The following WWOX variants were observed in gnomAD, a reference collection of about 807,000 sequenced individuals.
WWOX encodes the protein WW domain-containing oxidoreductase.
In WWOX, 69 loss-of-function variants were observed where a neutral mutation model predicts 46.2. The observed-to-expected ratio is 1.49, with a 90% CI of 1.23 to 1.82. WWOX has a LOEUF of 1.82. WWOX is among the 40% of genes most tolerant of loss of function. The probability of loss-of-function intolerance (pLI) is 0.00; values close to 1 mark genes in which losing one functional copy is unlikely to be tolerated. For missense variants in WWOX, 919 were observed against 542.6 expected, an observed-to-expected ratio of 1.69 and a Z score of -6.89; for synonymous variants, 359 against 202.6, an observed-to-expected ratio of 1.77 and a Z score of -6.56.
intron 8 of WWOX, among the ~76,000 whole-genome samples, chr16:78,837,098 A>AG (rs1235938201): frequency 2.0e-5 from 3 of 151,908 alleles, no homozygotes; most frequent in African/African-American, 7.3e-5. Context: ...CTGCTTAGGG[A>AG]GGGGGGAGAA....
chr16:78,621,608 T>A (rs1012148901), intron 8 of WWOX, among the ~76,000 whole-genome samples: 1 of 111,696 alleles, frequency 9.0e-6, no homozygotes, highest in African/African-American at 3.5e-5. Context: ...TTTTTTTTTT[T>A]TTTTTTTTTT....
chr16:78,803,429 T>C (rs997774674), intron 8 of WWOX, among the ~76,000 whole-genome samples: 25 of 152,276 alleles, frequency 1.6e-4, no homozygotes, highest in African/African-American at 5.5e-4. Context: ...CAGAAAAGTA[T>C]TACGTGGGTT....
At chr16:78,812,173 C>A (rs1024284686) in intron 8 of WWOX, among the ~76,000 whole-genome samples, 2 of 151,846 alleles carry the variant, frequency 1.3e-5, no homozygotes, top group Non-Finnish European at 2.9e-5. Flanking sequence ...AACTAGGTGT[C>A]CTAACTTGGC....
At chr16:78,840,499 A>G (rs1449910888) in intron 8 of WWOX, among the ~76,000 whole-genome samples, 2 of 152,232 alleles carry the variant, frequency 1.3e-5, no homozygotes, top group African/African-American at 4.8e-5. Flanking sequence ...GAGGCTAATT[A>G]TGTAGTGTCT....
At chr16:78,261,448 G>A (rs1051910531) in intron 5 of WWOX, among the ~76,000 whole-genome samples, 2 of 136,680 alleles carry the variant, frequency 1.5e-5, no homozygotes, top group South Asian at 2.3e-4. Flanking sequence ...TTTGTAAAAG[G>A]TATCATAGCT....
rs373627692 is a variant in WWOX, at chr16:78,590,390, C to T, written c.1056+157638C>T. 1.5e-3 allele frequency among the ~76,000 whole-genome samples: 232 copies of T among 152,116 alleles called. 3 individuals carry two copies. The highest frequency in any genetic ancestry group is 3.4e-3 in the Middle Eastern group (1 of 294). On this transcript the variant is annotated intron_variant, in intron 8 of 8. Coordinates refer to ENST00000566780, the MANE Select transcript of WWOX (RefSeq NM_016373.4). The stretch of plus-strand genomic sequence containing the variant: ...TGTTATAGTATTAAGGAAGACAGAT[C>T]CAAGATGGTGGCAATGGTCAAGAAG...
In WWOX at chr16:78,799,026, G is replaced by A. The variant is rs1243514306; in HGVS notation, c.1056+366274G>A. On this transcript the variant is annotated intron_variant, in intron 8 of 8. Coordinates refer to ENST00000566780, the MANE Select transcript of WWOX (RefSeq NM_016373.4). The stretch of plus-strand genomic sequence containing the variant: ...GAGCAAAATGCTTTTCCGGTGGGAT[G>A]CATTTCATTTATATGTGCTTGTATC... 2.0e-5 allele frequency among the ~76,000 whole-genome samples: 3 copies of A among 152,154 alleles called. No individual in the cohort carries two copies. The East Asian group carries it at 5.8e-4, about 29-fold the overall frequency.
At chr16:78,545,454 G>C (rs1053288975) in intron 8 of WWOX, among the ~76,000 whole-genome samples, 3 of 152,176 alleles carry the variant, frequency 2.0e-5, no homozygotes, top group Admixed American at 1.3e-4. Context: ...CTGGGATGAA[G>C]AGCTTCTCCT....
intron 8 of WWOX, among the ~76,000 whole-genome samples, chr16:78,836,251 G>A (rs1232600345): frequency 3.3e-5 from 5 of 151,980 alleles, no homozygotes; most frequent in African/African-American, 9.7e-5. Context: ...ATCCAGGGAC[G>A]GCTCCTTGGC....
chr16:78,985,836 G>A (rs1394094200), intron 8 of WWOX, among the ~76,000 whole-genome samples: 1 of 152,212 alleles, frequency 6.6e-6, no homozygotes, highest in East Asian at 1.9e-4. Context: ...GACCACTCCG[G>A]AAGGAGTGTA....
At chr16:78,910,538 A>G (rs751216978) in intron 8 of WWOX, among the ~76,000 whole-genome samples, 3 of 151,064 alleles carry the variant, frequency 2.0e-5, no homozygotes, top group African/African-American at 7.3e-5. Context: ...AGGATGCTGT[A>G]TGAGTCTTTT....
At chr16:78,367,495 G>A (rs1008492293) in intron 5 of WWOX, among the ~76,000 whole-genome samples, 1 of 152,022 alleles carries the variant, frequency 6.6e-6, no homozygotes, top group Non-Finnish European at 1.5e-5. Context: ...TTTGTCCAGT[G>A]TCACCCAGGG....
intron 8 of WWOX, among the ~76,000 whole-genome samples, chr16:78,828,839 C>T (rs1348656746): frequency 6.6e-6 from 1 of 152,186 alleles, no homozygotes; most frequent in African/African-American, 2.4e-5. Context: ...TCTCAGGCCA[C>T]TGTCTTTTGA....
intron 8 of WWOX, among the ~76,000 whole-genome samples, chr16:78,585,838 G>T (rs2045189346): frequency 1.3e-5 from 2 of 151,864 alleles, no homozygotes; most frequent in Admixed American, 1.3e-4. Flanking sequence ...CTTTATATTA[G>T]AACTCACCTT....
chr16:78,643,461 A>G (rs550111288), intron 8 of WWOX, among the ~76,000 whole-genome samples: 1 of 152,232 alleles, frequency 6.6e-6, no homozygotes, highest in Non-Finnish European at 1.5e-5. Context: ...GTGTGCTACC[A>G]AGTCACCCAT....
chr16:78,329,687 G>C (rs573455397), intron 5 of WWOX, among the ~76,000 whole-genome samples: 1 of 152,170 alleles, frequency 6.6e-6, no homozygotes, highest in East Asian at 1.9e-4. Context: ...TGCCAATGTA[G>C]CCAACATATA....
At chr16:78,590,006 G>A (rs1034074954) in intron 8 of WWOX, among the ~76,000 whole-genome samples, 1 of 152,128 alleles carries the variant, frequency 6.6e-6, no homozygotes, top group Non-Finnish European at 1.5e-5. Flanking sequence ...AACAAATTTT[G>A]TGTTGCTTCT....
chr16:79,120,289 G>T (rs1174217950), intron 8 of WWOX, among the ~76,000 whole-genome samples: 2 of 152,144 alleles, frequency 1.3e-5, no homozygotes, highest in Non-Finnish European at 2.9e-5. Flanking sequence ...CCTTCAGAGA[G>T]TCATTCTCAA....
At chr16:78,289,779 A>G (rs1381773157) in intron 5 of WWOX, among the ~76,000 whole-genome samples, 4 of 152,212 alleles carry the variant, frequency 2.6e-5, no homozygotes, top group Non-Finnish European at 5.9e-5. Context: ...CTGGTCCTTT[A>G]GAGGAGGTCC....
Sources: gnomAD v4.1 joint callset for allele counts (sites outside exome capture counted in the v4.1 genomes callset) on GRCh38, gnomAD v4.1.1 for gene constraint, MANE v1.5 for transcripts, NCBI Gene and HGNC (gene_info 2026-07-23, HGNC 2026-07-21) for gene names.